The following MACROD2 variants were observed in gnomAD, a reference collection of about 807,000 sequenced individuals.
MACROD2 encodes the protein mono-ADP ribosylhydrolase 2.
In MACROD2, 36 loss-of-function variants were observed where a neutral mutation model predicts 70.4. The ratio of observed to expected loss-of-function variants is 0.51; its 90% CI spans 0.39 to 0.68. The LOEUF is 0.68. MACROD2 is among the 30% of genes least tolerant of loss of function. MACROD2 has a pLI of 0.00. For synonymous variants in MACROD2, 172 were observed against 178.8 expected (o/e 0.96, Z 0.30); for missense variants, 496 against 538.4 (o/e 0.92, Z 0.78).
At chr20:15,182,359 T>C (rs2076506507) in intron 5 of MACROD2, among the ~76,000 whole-genome samples, 1 of 152,144 alleles carries the variant, frequency 6.6e-6, no homozygotes, top group Admixed American at 6.5e-5. Flanking sequence ...TGCAATTGTG[T>C]CTTACATTTA....
intron 4 of MACROD2, among the ~76,000 whole-genome samples, chr20:14,550,643 C>T (rs915758940): frequency 2.0e-5 from 3 of 152,162 alleles, no homozygotes; most frequent in African/African-American, 7.2e-5. Flanking sequence ...AAAAGGAGTA[C>T]CAAGAAAAGC....
chr20:14,231,984 GTTGT>G (rs201119349), intron 3 of MACROD2, among the ~76,000 whole-genome samples: 3,397 of 152,236 alleles, frequency 0.022, 40 homozygotes, highest in Non-Finnish European at 0.025. Flanking sequence ...TGTTGATGGG[GTTGT>G]TTGTTTTTTT....
At chr20:15,601,687 A>G (rs1438364950) in intron 8 of MACROD2, among the ~76,000 whole-genome samples, 4 of 152,188 alleles carry the variant, frequency 2.6e-5, no homozygotes, top group Admixed American at 2.6e-4. Flanking sequence ...TGACTCATTT[A>G]TACTTTTAAT....
intron 5 of MACROD2, among the ~76,000 whole-genome samples, chr20:14,721,053 G>A (rs2071462646): frequency 6.6e-6 from 1 of 151,798 alleles, no homozygotes; most frequent in Non-Finnish European, 1.5e-5. Flanking sequence ...TCGGGAGTTA[G>A]CGACCAGCCT....
intron 5 of MACROD2, among the ~76,000 whole-genome samples, chr20:14,754,666 A>C (rs2071916548): frequency 6.6e-6 from 1 of 151,976 alleles, no homozygotes. Flanking sequence ...TTCCTCAAGA[A>C]CACTCTGGCC....
chr20:14,918,228 G>A (rs189181305), intron 5 of MACROD2, among the ~76,000 whole-genome samples: 610 of 152,138 alleles, frequency 4.0e-3, no homozygotes, highest in Non-Finnish European at 6.7e-3. Context: ...CACCTGCCTC[G>A]GCCTCCCAAA....
chr20:15,831,838 G>C (rs943669642), intron 8 of MACROD2, among the ~76,000 whole-genome samples: 1 of 152,110 alleles, frequency 6.6e-6, no homozygotes, highest in Admixed American at 6.6e-5. Flanking sequence ...ATTTATTTGG[G>C]AAGCAATCAT....
intron 3 of MACROD2, among the ~76,000 whole-genome samples, chr20:14,218,315 T>C (rs1278828580): frequency 2.0e-5 from 3 of 152,218 alleles, no homozygotes; most frequent in African/African-American, 7.2e-5. Flanking sequence ...TTGTTTTGTC[T>C]GATATAAGAA....
intron 3 of MACROD2, among the ~76,000 whole-genome samples, chr20:14,278,497 A>G (rs1362514700): frequency 1.3e-5 from 2 of 152,202 alleles, no homozygotes; most frequent in Non-Finnish European, 2.9e-5. Flanking sequence ...TGAGAATAAT[A>G]ATAATATTTG....
intron 5 of MACROD2, among the ~76,000 whole-genome samples, chr20:15,009,679 T>C (rs923028586): frequency 1.3e-5 from 2 of 152,010 alleles, no homozygotes; most frequent in African/African-American, 4.8e-5. Flanking sequence ...GCTTTTGAAA[T>C]AGAAGATAAA....
At chr20:15,149,704 C>T (rs561578292) in intron 5 of MACROD2, among the ~76,000 whole-genome samples, 88 of 152,048 alleles carry the variant, frequency 5.8e-4, no homozygotes, top group African/African-American at 1.8e-3. Context: ...AGCTGCTGCA[C>T]GGAGACATGA....
chr20:14,829,526 A>G (rs944133896), intron 5 of MACROD2, among the ~76,000 whole-genome samples: 4 of 152,096 alleles, frequency 2.6e-5, no homozygotes, highest in African/African-American at 9.7e-5. Flanking sequence ...CACCTGAGCC[A>G]GCTGAAGTTC....
chr20:14,499,481 C>T (rs2084892673), intron 4 of MACROD2, among the ~76,000 whole-genome samples: 1 of 151,870 alleles, frequency 6.6e-6, no homozygotes, highest in South Asian at 2.1e-4. Context: ...TGCAGTGAGC[C>T]GTGATCACAC....
intron 3 of MACROD2, among the ~76,000 whole-genome samples, chr20:14,095,223 G>A (rs1423986567): frequency 1.3e-5 from 2 of 151,786 alleles, no homozygotes; most frequent in East Asian, 3.9e-4. Flanking sequence ...GCTTATAAAG[G>A]CTTTATAAGA....
intron 3 of MACROD2, among the ~76,000 whole-genome samples, chr20:14,251,109 C>T (rs759396117): frequency 6.6e-5 from 10 of 152,084 alleles, no homozygotes; most frequent in Non-Finnish European, 8.8e-5. Context: ...CAGATGAATT[C>T]GAATGTGTTT....
chr20:15,530,766 C>T (rs866787868), intron 8 of MACROD2, among the ~76,000 whole-genome samples: 1 of 149,664 alleles, frequency 6.7e-6, no homozygotes, highest in Non-Finnish European at 1.5e-5. Flanking sequence ...TTTCCATGTA[C>T]GCGTATAATG....
chr20:14,347,709 T>C (rs918794522), intron 3 of MACROD2, among the ~76,000 whole-genome samples: 3 of 152,170 alleles, frequency 2.0e-5, no homozygotes, highest in Non-Finnish European at 4.4e-5. Context: ...ATTCCTTGGC[T>C]AAGAAAGGGT....
chr20:15,747,688 A>AT (rs540198932), intron 8 of MACROD2, among the ~76,000 whole-genome samples: 7 of 151,662 alleles, frequency 4.6e-5, no homozygotes, highest in East Asian at 1.9e-4. Flanking sequence ...TATTTCCAGA[A>AT]TTTTTTTTTG....
chr20:14,198,724 C>T (rs1428998775), intron 3 of MACROD2, among the ~76,000 whole-genome samples: 1 of 152,076 alleles, frequency 6.6e-6, no homozygotes, highest in African/African-American at 2.4e-5. Context: ...AGTCTCTGAT[C>T]CTTTTCCTCC....
Sources: allele counts gnomAD v4.1 joint callset (sites outside exome capture counted in the v4.1 genomes callset), GRCh38; gene constraint gnomAD v4.1.1; transcripts MANE v1.5; gene names NCBI Gene and HGNC (gene_info 2026-07-23, HGNC 2026-07-21).